The following STRBP variants were observed in gnomAD, a reference collection of about 807,000 sequenced individuals.
STRBP encodes spermatid perinuclear RNA-binding protein.
Under a neutral mutation model 80.1 loss-of-function variants are expected in STRBP, and 13 were observed. The observed-to-expected ratio is 0.16, with a 90% CI of 0.11 to 0.26. STRBP has a LOEUF of 0.26. Ranked by LOEUF, STRBP falls within the 10% of genes least tolerant of loss-of-function variation. The pLI, the probability that STRBP is intolerant of heterozygous loss-of-function variation, is 1.00. For synonymous variants in STRBP, 284 were observed against 291.2 expected, an observed-to-expected ratio of 0.98 and a Z score of 0.25; for missense variants, 485 against 815.2, an observed-to-expected ratio of 0.59 and a Z score of 4.93.
In STRBP at chr9:123,147,898, T is replaced by G. The variant is rs747471323; in HGVS notation, c.1046-28A>C. The G allele has an allele frequency of 1.1e-5, 17 of 1,586,214 alleles. No individual in the cohort carries two copies. In the East Asian group the frequency reaches 3.6e-4, roughly 34 times the overall value. ...AAAAAAAATTATGAGGGATTCATTA[T>G]CAGTCAAAACAACAATCCCCTTACC... On this transcript the variant is annotated intron_variant, in intron 11 of 18. Transcript: ENST00000348403.
chr9:123,120,500 G>T (rs1161216566), downstream of STRBP, among the ~76,000 whole-genome samples: 1 of 130,914 alleles, frequency 7.6e-6, no homozygotes, highest in Non-Finnish European at 1.7e-5. Flanking sequence ...TGGGGGGGGG[G>T]GGGCAGGGGC....
intron 2 of STRBP, among the ~76,000 whole-genome samples, chr9:123,116,255 C>G (rs971950539): frequency 6.6e-6 from 1 of 152,126 alleles, no homozygotes; most frequent in African/African-American, 2.4e-5. Flanking sequence ...GAGCCAGGAA[C>G]GGAGGATGTG....
intron 1 of STRBP, among the ~76,000 whole-genome samples, chr9:123,256,256 T>C (rs75054198): frequency 0.017 from 2,590 of 152,106 alleles, 78 homozygotes; most frequent in African/African-American, 0.059. Flanking sequence ...TGAGCTCAAC[T>C]GATCCTCCGC....
chr9:123,146,434 AAATT>A (rs1042883490), intron 13 of STRBP, among the ~76,000 whole-genome samples: 1 of 151,798 alleles, frequency 6.6e-6, no homozygotes, highest in Admixed American at 6.6e-5. Flanking sequence ...CCGCCATTAA[AAATT>A]ATTTATGAAG....
chr9:123,261,416 T>G (rs1201756301), intron 1 of STRBP, among the ~76,000 whole-genome samples: 2 of 152,174 alleles, frequency 1.3e-5, no homozygotes, highest in Admixed American at 1.3e-4. Context: ...TAAAGTGAAC[T>G]CCTTGTGCCT....
intron 2 of STRBP, among the ~76,000 whole-genome samples, chr9:123,229,568 G>A (rs1257950189): frequency 6.6e-6 from 1 of 152,200 alleles, no homozygotes; most frequent in Non-Finnish European, 1.5e-5. Flanking sequence ...GGAAAATCTG[G>A]AGGGGGATTC....
At chr9:123,150,285 C>G (rs1032253757) in intron 11 of STRBP, among the ~76,000 whole-genome samples, 3 of 152,108 alleles carry the variant, frequency 2.0e-5, no homozygotes, top group Non-Finnish European at 4.4e-5. Flanking sequence ...ATATCAAGGG[C>G]CCACTTCCAG....
At chr9:123,195,472 T>C (rs2039059900) in intron 2 of STRBP, among the ~76,000 whole-genome samples, 2 of 152,114 alleles carry the variant, frequency 1.3e-5, no homozygotes, top group Non-Finnish European at 2.9e-5. Flanking sequence ...AAAAAAACTA[T>C]TAGAACTGAC....
intron 14 of STRBP, among the ~76,000 whole-genome samples, chr9:123,137,525 A>G (rs969399482): frequency 1.3e-5 from 2 of 152,108 alleles, no homozygotes; most frequent in African/African-American, 2.4e-5. Context: ...TTCCTGCCTC[A>G]GCGTCCCAAG....
chr9:123,170,609 C>G (rs907775523), intron 5 of STRBP, among the ~76,000 whole-genome samples: 1 of 152,128 alleles, frequency 6.6e-6, no homozygotes, highest in Non-Finnish European at 1.5e-5. Flanking sequence ...TTCCCTTCTC[C>G]GACAACAGGT....
chr9:123,249,965 T>C (rs2040877930), intron 1 of STRBP, among the ~76,000 whole-genome samples: 1 of 152,212 alleles, frequency 6.6e-6, no homozygotes, highest in African/African-American at 2.4e-5. Flanking sequence ...AATCAATATT[T>C]TCCAATGGCC....
intron 18 of STRBP, among the ~76,000 whole-genome samples, chr9:123,127,080 A>C (rs2035925116): frequency 1.3e-5 from 2 of 152,250 alleles, no homozygotes; most frequent in Non-Finnish European, 2.9e-5. Context: ...TTTGCCTAAA[A>C]GAAAATTTGC....
At chr9:123,171,728 TCTC>T (rs2038018702) in intron 5 of STRBP, among the ~76,000 whole-genome samples, 1 of 152,176 alleles carries the variant, frequency 6.6e-6, no homozygotes, top group Admixed American at 6.5e-5. Context: ...GAAAGATACT[TCTC>T]CTAATTTCCA....
rs1482384948 is a variant in STRBP at position 123,122,143 on chromosome 9, T to C, written c.*3454A>G. ...CATATATGATTGTCATATATGCATGTTGTCTTAATTGACTATTTTTCTCTT... is the reference window on the plus strand; with the variant it reads ...CATATATGATTGTCATATATGCATGCTGTCTTAATTGACTATTTTTCTCTT... On this transcript the variant is annotated 3_prime_UTR_variant, in exon 19 of 19. Transcript: ENST00000348403. The C allele has an allele frequency of 6.7e-6, 2 of 299,308 alleles. No individual in the cohort carries two copies. The highest frequency in any genetic ancestry group is 3.7e-5 in the South Asian group (1 of 26,710). 18.5% of individuals were successfully genotyped at this position (299,308 alleles called of 1,614,324 possible).
intron 17 of STRBP, among the ~76,000 whole-genome samples, chr9:123,128,793 CAT>C (rs2036005244): frequency 1.3e-5 from 2 of 152,180 alleles, no homozygotes; most frequent in African/African-American, 4.8e-5. Flanking sequence ...AAAACAGGCA[CAT>C]GAGTCAGGTC....
chr9:123,123,814 T>C lies in STRBP; in HGVS notation c.*1783A>G, dbSNP rs1344062463. 3 of 985,302 alleles carry C rather than the reference T, an allele frequency of 3.0e-6. No homozygotes were observed. Among genetic ancestry groups the C allele is most frequent in the Non-Finnish European group, 3.6e-6 (3 of 829,928 alleles). 61.0% of individuals were successfully genotyped at this position (985,302 alleles called of 1,614,324 possible). On this transcript the variant is annotated 3_prime_UTR_variant, in exon 19 of 19. Transcript: ENST00000348403. ...TTTAATTAATAAAAACTGGACACTA[T>C]CAGCCATGCTTTTTCTTCTCAGTGA... is the stretch of plus-strand genomic sequence containing the variant.
intron 2 of STRBP, among the ~76,000 whole-genome samples, chr9:123,228,862 T>C (rs1344399527): frequency 1.3e-5 from 2 of 152,196 alleles, no homozygotes; most frequent in African/African-American, 4.8e-5. Flanking sequence ...ATTGAAAAGA[T>C]ACATCCACAC....
chr9:123,168,918 G>A (rs560239663), intron 6 of STRBP, among the ~76,000 whole-genome samples: 41 of 152,196 alleles, frequency 2.7e-4, no homozygotes, highest in Middle Eastern at 3.4e-3. Context: ...TGAGGATGAC[G>A]CTGCCAGACA....
At chr9:123,210,724 T>C (rs767947765) in intron 2 of STRBP, among the ~76,000 whole-genome samples, 8 of 151,356 alleles carry the variant, frequency 5.3e-5, no homozygotes, top group Admixed American at 1.3e-4. Flanking sequence ...AGCTACTCAG[T>C]AGGCTGAGGT....
Sources: allele counts gnomAD v4.1 joint callset (sites outside exome capture counted in the v4.1 genomes callset), GRCh38; gene constraint gnomAD v4.1.1; transcripts MANE v1.5; gene names NCBI Gene and HGNC (gene_info 2026-07-23, HGNC 2026-07-21).